The following ATP9A variants were observed in gnomAD, a reference collection of about 807,000 sequenced individuals.
ATP9A encodes probable phospholipid-transporting ATPase IIA.
ATP9A carries 52 observed loss-of-function variants against 144.1 expected under a neutral mutation model. The ratio of observed to expected loss-of-function variants is 0.36; its 90% confidence interval spans 0.29 to 0.45. The LOEUF is 0.45. ATP9A is among the 20% of genes least tolerant of loss of function. The pLI is 1.00. For missense variants in ATP9A, 947 were observed against 1,392.7 expected (o/e 0.68, Z 5.09); for synonymous variants, 582 against 557.4 (o/e 1.04, Z -0.62).
intron 4 of ATP9A, among the ~76,000 whole-genome samples, chr20:51,703,149 TTAA>T (rs1171858849): frequency 6.6e-6 from 1 of 152,180 alleles, no homozygotes; most frequent in African/African-American, 2.4e-5. Context: ...CCACCTGATC[TTAA>T]TACTTTTTGA....
Position 51,600,542 on chromosome 20 carries a change from T to C in ATP9A, c.*669A>G, listed in dbSNP as rs567582617. 3.3e-5 allele frequency: 5 copies of C among 152,146 alleles called. No homozygotes were observed. In the East Asian group the frequency reaches 7.7e-4, roughly 23 times the overall value. The allele number at this position is 152,146 out of a possible 1,614,324, so 9.4% of individuals were successfully genotyped here. ...TATGGATGCTGAATCAGATCAAGGATAACAGATTGGACTTAGGACACTCTC... is the reference window on the plus strand; with the variant it reads ...TATGGATGCTGAATCAGATCAAGGACAACAGATTGGACTTAGGACACTCTC... On this transcript the variant is annotated 3_prime_UTR_variant, in exon 28 of 28. Transcript: ENST00000338821.
intron 20 of ATP9A, 27 bp from the exon 21 acceptor site, chr20:51,618,833 G>C: frequency 6.3e-7 from 1 of 1,578,368 alleles, no homozygotes; most frequent in Non-Finnish European, 8.6e-7. Flanking sequence ...GAGGTGGTGC[G>C]TTGGTGGAGG....
intron 4 of ATP9A, among the ~76,000 whole-genome samples, chr20:51,704,676 A>C (rs546234288): frequency 2.6e-5 from 4 of 152,228 alleles, no homozygotes; most frequent in Non-Finnish European, 5.9e-5. Flanking sequence ...GCTACTCGGG[A>C]GGCTGAGGCA....
intron 13 of ATP9A, among the ~76,000 whole-genome samples, chr20:51,661,330 T>C (rs952643518): frequency 5.3e-5 from 8 of 151,802 alleles, no homozygotes; most frequent in African/African-American, 1.2e-4. Flanking sequence ...ATACTATTAA[T>C]GGATATTAGG....
At chr20:51,749,684 A>G (rs1317832488) in intron 1 of ATP9A, among the ~76,000 whole-genome samples, 2 of 152,192 alleles carry the variant, frequency 1.3e-5, no homozygotes, top group African/African-American at 4.8e-5. Flanking sequence ...AAATGCTTAA[A>G]AATTTCTAGA....
chr20:51,720,758 C>A (rs1003860813), intron 3 of ATP9A, among the ~76,000 whole-genome samples: 1 of 152,118 alleles, frequency 6.6e-6, no homozygotes, highest in South Asian at 2.1e-4. Flanking sequence ...CGTTTGAACC[C>A]GGGAGGTGAT....
chr20:51,605,733 C>T (rs2077160621), intron 26 of ATP9A, among the ~76,000 whole-genome samples: 3 of 151,430 alleles, frequency 2.0e-5, no homozygotes, highest in Non-Finnish European at 2.9e-5. Flanking sequence ...GCCACCATGG[C>T]GAAACCCTGT....
chr20:51,647,425 C>T (rs1248421729), intron 14 of ATP9A, among the ~76,000 whole-genome samples: 2 of 151,938 alleles, frequency 1.3e-5, no homozygotes, highest in Admixed American at 1.3e-4. Context: ...GTGGCACACA[C>T]CTGTAATCCC....
intron 1 of ATP9A, among the ~76,000 whole-genome samples, chr20:51,756,892 G>A (rs1291574989): frequency 6.6e-6 from 1 of 152,070 alleles, no homozygotes; most frequent in Non-Finnish European, 1.5e-5. Flanking sequence ...TCCAACAGGT[G>A]TCTTGAGTTT....
At chr20:51,648,826 T>C (rs2077352539) in intron 14 of ATP9A, among the ~76,000 whole-genome samples, 1 of 152,114 alleles carries the variant, frequency 6.6e-6, no homozygotes, top group Non-Finnish European at 1.5e-5. Flanking sequence ...AGCAAGATCC[T>C]ACCTCAAAAA....
chr20:51,702,404 G>A (rs528166687), intron 4 of ATP9A, among the ~76,000 whole-genome samples: 1 of 146,952 alleles, frequency 6.8e-6, no homozygotes, highest in Non-Finnish European at 1.5e-5. Context: ...GTGTGTGTGT[G>A]CATGTAATGA....
intron 14 of ATP9A, among the ~76,000 whole-genome samples, chr20:51,640,987 G>A (rs2077316228): frequency 6.6e-6 from 1 of 152,182 alleles, no homozygotes; most frequent in African/African-American, 2.4e-5. Context: ...CACTTGGGGA[G>A]GTTGACGCAG....
intron 1 of ATP9A, among the ~76,000 whole-genome samples, chr20:51,731,443 C>T (rs1481678346): frequency 4.6e-5 from 7 of 151,918 alleles, no homozygotes; most frequent in African/African-American, 1.2e-4. Context: ...TTGGGCCAGG[C>T]GAGGTGGCTC....
At chr20:51,604,708 A>G in intron 27 of ATP9A, 109 bp downstream of exon 27, 2 of 1,015,716 alleles carry the variant, frequency 2.0e-6, no homozygotes, top group East Asian at 6.2e-5. Flanking sequence ...TGCTGGAGGA[A>G]GAGCCCAGGC....
intron 7 of ATP9A, among the ~76,000 whole-genome samples, chr20:51,691,078 T>C (rs146571090): frequency 5.9e-5 from 9 of 152,254 alleles, no homozygotes; most frequent in Admixed American, 1.3e-4. Context: ...TTTCCAGACT[T>C]GATGGGGTGA....
chr20:51,700,792 T>C (rs2077590188), intron 4 of ATP9A, among the ~76,000 whole-genome samples: 1 of 152,124 alleles, frequency 6.6e-6, no homozygotes, highest in African/African-American at 2.4e-5. Flanking sequence ...TTCGCACCAC[T>C]GCACTCCAAC....
rs540747401 is a variant in ATP9A, at chr20:51,597,525, C to T, written c.*3686G>A. On this transcript the variant is annotated 3_prime_UTR_variant, in exon 28 of 28. Coordinates refer to ENST00000338821, the MANE Select transcript of ATP9A (RefSeq NM_006045.3). ...AACTTTAGATGACATCATTCTCTCGCTCTTTCACACACACACACACCCCCC... is the reference window on the plus strand; with the variant it reads ...AACTTTAGATGACATCATTCTCTCGTTCTTTCACACACACACACACCCCCC... 6.6e-6 allele frequency: 1 copy of T among 151,986 alleles called. No individual in the cohort carries two copies. Among genetic ancestry groups the T allele is most frequent in the Admixed American group, 6.5e-5 (1 of 15,268 alleles). The allele number at this position is 151,986 out of a possible 1,614,324, so 9.4% of individuals were successfully genotyped here. A position where few individuals can be genotyped will look rare whatever the true frequency, so the allele number is the denominator to read the frequency against.
At chr20:51,721,107 G>A (rs1601126153) in intron 3 of ATP9A, among the ~76,000 whole-genome samples, 1 of 152,164 alleles carries the variant, frequency 6.6e-6, no homozygotes, top group Non-Finnish European at 1.5e-5. Flanking sequence ...TCTTCTCAGG[G>A]CAAGAGCTGC....
At chr20:51,727,893 T>C (rs367928537) in intron 2 of ATP9A, among the ~76,000 whole-genome samples, 1 of 150,612 alleles carries the variant, frequency 6.6e-6, no homozygotes, top group Non-Finnish European at 1.5e-5. Flanking sequence ...ATCACGCCAT[T>C]GTGCACCAGC....
Sources: allele counts gnomAD v4.1 joint callset (sites outside exome capture counted in the v4.1 genomes callset), GRCh38; gene constraint gnomAD v4.1.1; transcripts MANE v1.5; gene names NCBI Gene and HGNC (gene_info 2026-07-23, HGNC 2026-07-21).